CAND2: variants seen among roughly 807,000 people sequenced by gnomAD.
The protein encoded by CAND2 is cullin associated and neddylation dissociated 2 (putative).
In CAND2, 62 loss-of-function variants were observed where a neutral mutation model predicts 98.9. The ratio of observed to expected loss-of-function variants is 0.63; its 90% CI spans 0.51 to 0.77. The LOEUF (loss-of-function observed/expected upper bound fraction) is 0.77, where lower values mean the gene tolerates loss of function less well. Ranked by LOEUF, CAND2 falls within the 30% of genes least tolerant of loss-of-function variation. The probability of loss-of-function intolerance (pLI) is 0.00; values close to 1 mark genes in which losing one functional copy is unlikely to be tolerated. For missense variants in CAND2, 1,501 were observed against 1,655.2 expected, an observed-to-expected ratio of 0.91 and a Z score of 1.62; for synonymous variants, 770 against 731.9, an observed-to-expected ratio of 1.05 and a Z score of -0.84.
At chr3:12,804,615 G>T (rs896218240) in intron 2 of CAND2, among the ~76,000 whole-genome samples, 1 of 152,224 alleles carries the variant, frequency 6.6e-6, no homozygotes, top group African/African-American at 2.4e-5. Context: ...TGCAGAGCAC[G>T]TGGGGATGCT....
intron 14 of CAND2, among the ~76,000 whole-genome samples, chr3:12,831,828 G>C (rs1559560899): frequency 6.6e-6 from 1 of 152,226 alleles, no homozygotes; most frequent in Admixed American, 6.5e-5. Flanking sequence ...ACCCACCTCT[G>C]TCTCTCCTTC....
chr3:12,827,834 T>C (rs905488259), intron 13 of CAND2, among the ~76,000 whole-genome samples: 1 of 151,762 alleles, frequency 6.6e-6, no homozygotes, highest in Non-Finnish European at 1.5e-5. Flanking sequence ...AAAAAAAAAA[T>C]TGTCCAGGTG....
At chr3:12,803,794 A>G (rs991483719) in intron 2 of CAND2, among the ~76,000 whole-genome samples, 163 bp downstream of exon 2, 3 of 152,174 alleles carry the variant, frequency 2.0e-5, no homozygotes, top group Non-Finnish European at 4.4e-5. Flanking sequence ...TGCTGAGACA[A>G]GGATTCAAAT....
chr3:12,809,571 T>A (rs1389230547), intron 4 of CAND2, among the ~76,000 whole-genome samples: 2 of 152,120 alleles, frequency 1.3e-5, no homozygotes, highest in African/African-American at 4.8e-5. Flanking sequence ...AGCTGTGCTG[T>A]GTGCGCAGAA....
chr3:12,833,588 G>A (rs1395037383), intron 14 of CAND2, among the ~76,000 whole-genome samples, 167 bp from the exon 15 acceptor site: 3 of 152,148 alleles, frequency 2.0e-5, no homozygotes, highest in African/African-American at 7.2e-5. Flanking sequence ...AAGCCCAGAG[G>A]TGGAGTTAGG....
chr3:12,812,221 CT>C lies in CAND2; in HGVS notation c.758-750del, dbSNP rs531439250. On this transcript the variant is annotated intron_variant, in intron 5 of 14. Transcript: ENST00000456430. ...ACCATGCCCGGCCTAAGCTGTTTAT[CT>C]TTTTTTTTTTTTTTTTTTGGAGATA... Among the ~76,000 whole-genome samples, 426 of 74,514 alleles carry C rather than the reference CT, an allele frequency of 5.7e-3. 12 individuals carry two copies. Among genetic ancestry groups the C allele is most frequent in the African/African-American group, 0.018 (316 of 17,406 alleles). The allele number at this position is 74,514 out of a possible 152,430, so 48.9% of individuals were successfully genotyped here.
rs73813569 is a variant in CAND2, at chr3:12,809,155, G to A, written c.491+822G>A. Among the ~76,000 whole-genome samples, 272 of 152,112 alleles carry A rather than the reference G, an allele frequency of 1.8e-3. 1 individual carries two copies. The highest frequency in any genetic ancestry group is 6.1e-3 in the African/African-American group (254 of 41,484). ...CAGGGACTGGAGGCTGACCCCTAGG[G>A]TTCTGCCTTTAGTAACTGGCGGGGG... is the stretch of plus-strand genomic sequence containing the variant. On this transcript the variant is annotated intron_variant, in intron 4 of 14. Transcript: ENST00000456430.
rs761467756 is a variant in CAND2 at position 12,796,707 on chromosome 3, G to A, written c.-14G>A. The A allele has an allele frequency of 1.3e-6, 2 of 1,567,904 alleles. No individual in the cohort carries two copies. The highest frequency in any genetic ancestry group is 1.2e-5 in the South Asian group (1 of 85,470). On this transcript the variant is annotated 5_prime_UTR_variant, in exon 1 of 15. Coordinates refer to ENST00000456430, the MANE Select transcript of CAND2 (RefSeq NM_001162499.2). ...ATTCCCTCCCGCCGGCCGGCTCCGC[G>A]GCGCGCAGCCACCATGAGCACCGCC...
intron 5 of CAND2, 102 bp downstream of exon 5, chr3:12,810,426 G>A (rs1253380735): frequency 1.4e-5 from 17 of 1,201,228 alleles, no homozygotes; most frequent in Non-Finnish European, 1.9e-5. Flanking sequence ...AGTGCAGCCA[G>A]GGCCTAAGGG....
intron 2 of CAND2, among the ~76,000 whole-genome samples, chr3:12,804,865 T>G (rs2061794393): frequency 1.3e-5 from 2 of 152,182 alleles, no homozygotes; most frequent in Admixed American, 1.3e-4. Context: ...GCAGAGAGAA[T>G]TCAGTAAAGG....
chr3:12,817,057 C>T lies in CAND2; in HGVS notation c.2125C>T (p.His709Tyr). 1 of 1,612,940 alleles carries T rather than the reference C, an allele frequency of 6.2e-7. No homozygotes were observed. The highest frequency in any genetic ancestry group is 8.5e-7 in the Non-Finnish European group (1 of 1,179,976). The part of the protein sequence containing the change: ...LPALVNESDM[H>Y]VAQLAVDFLA... ...TGCCCTGGTCAACGAGAGCGACATG[C>T]ATGTGGCCCAGCTGGCTGTGGACTT... The change falls in exon 10 of 15, where the codon CAT becomes TAT. Residue 709 changes from histidine (H) to tyrosine (Y), a missense_variant. Transcript: ENST00000456430.
chr3:12,796,850 C>A, intron 1 of CAND2, 62 bp downstream of exon 1: 2 of 1,373,172 alleles, frequency 1.5e-6, no homozygotes, highest in Non-Finnish European at 2.0e-6. Flanking sequence ...CCTTCTTCCC[C>A]TCTCGAAGCG....
chr3:12,800,719 GT>G, intron 1 of CAND2, among the ~76,000 whole-genome samples: 1 of 150,222 alleles, frequency 6.7e-6, no homozygotes, highest in Non-Finnish European at 1.5e-5. Flanking sequence ...TCAGTGTTTT[GT>G]TTTTGTTTTT....
chr3:12,825,395 A>G (rs992611595), intron 11 of CAND2, 75 bp from the exon 12 acceptor site: 27 of 1,420,048 alleles, frequency 1.9e-5, no homozygotes, highest in Non-Finnish European at 2.6e-5. Flanking sequence ...CAGTAACCAG[A>G]TGGCCGGGGT....
chr3:12,807,880 C>T (rs893358139), intron 3 of CAND2, among the ~76,000 whole-genome samples: 4 of 152,172 alleles, frequency 2.6e-5, no homozygotes, highest in Admixed American at 1.3e-4. Flanking sequence ...ATCTCACTGG[C>T]AAGAGCTGGA....
chr3:12,825,592 C>T lies in CAND2; in HGVS notation c.3163C>T (p.Pro1055Ser). The T allele has an allele frequency of 3.1e-6, 5 of 1,610,132 alleles. No homozygotes were observed. The highest frequency in any genetic ancestry group is 4.2e-6 in the Non-Finnish European group (5 of 1,178,450). Residue 1055 changes from proline (P) to serine (S), a missense_variant, in exon 12 of 15, where the codon CCC (proline) becomes TCC (serine). Transcript: ENST00000456430. ...CCGGGACCTGCTGGATGACATCCTGCCCCTCCTCTACCAGGAGACAAAGAT... is the reference window on the plus strand; with the variant it reads ...CCGGGACCTGCTGGATGACATCCTGTCCCTCCTCTACCAGGAGACAAAGAT... Reference protein sequence around the residue: ...LVRDLLDDILPLLYQETKIRR... With the variant: ...LVRDLLDDILSLLYQETKIRR...
chr3:12,817,982 C>G (rs2061923747), intron 10 of CAND2, 106 bp downstream of exon 10: 1 of 1,057,682 alleles, frequency 9.5e-7, no homozygotes, highest in Non-Finnish European at 1.3e-6. Flanking sequence ...TCACTGGATA[C>G]AAGAATCACG....
chr3:12,825,081 C>T (rs555910731), intron 11 of CAND2, among the ~76,000 whole-genome samples: 309 of 151,680 alleles, frequency 2.0e-3, no homozygotes, highest in Non-Finnish European at 3.4e-3. Flanking sequence ...CTGCTCTGTG[C>T]TTTTAATGCA....
At chr3:12,824,100 G>C (rs977961690) in intron 11 of CAND2, among the ~76,000 whole-genome samples, 1 of 152,148 alleles carries the variant, frequency 6.6e-6, no homozygotes, top group Admixed American at 6.5e-5. Context: ...GAGTCCAGGA[G>C]TTTGAGACCA....
Sources: gnomAD v4.1 joint callset for allele counts (sites outside exome capture counted in the v4.1 genomes callset) on GRCh38, gnomAD v4.1.1 for gene constraint, MANE v1.5 for transcripts, NCBI Gene and HGNC (gene_info 2026-07-23, HGNC 2026-07-21) for gene names.